Variants in SLC36A1 observed in about 807,000 individuals in gnomAD.
The protein encoded by SLC36A1 is proton-coupled amino acid transporter 1.
Under a neutral mutation model 47.5 loss-of-function variants are expected in SLC36A1, and 30 were observed. The ratio of observed to expected loss-of-function variants is 0.63; its 90% CI spans 0.47 to 0.86. The LOEUF (loss-of-function observed/expected upper bound fraction) is 0.86, where lower values mean the gene tolerates loss of function less well. SLC36A1 is among the 40% of genes least tolerant of loss of function. The probability of loss-of-function intolerance (pLI) is 0.00; values close to 1 mark genes in which losing one functional copy is unlikely to be tolerated. For synonymous variants in SLC36A1, 255 were observed against 249.7 expected (o/e 1.02, Z -0.20); for missense variants, 517 against 606.0 (o/e 0.85, Z 1.54).
chr5:151,385,101 A>G, the SLC36A1 span, among the ~76,000 whole-genome samples: 1 of 151,668 alleles, frequency 6.6e-6, no homozygotes, highest in Non-Finnish European at 1.5e-5. Context: ...CTTCATAAAT[A>G]CCTTGGGAAT....
At chr5:151,479,220 G>A in intron 9 of SLC36A1, 100 bp from the exon 10 acceptor site, 1 of 1,308,812 alleles carries the variant, frequency 7.6e-7, no homozygotes. Context: ...TTGTATCCTT[G>A]ATAAGTGTCA....
At chr5:151,440,902 G>A (rs1752585069) in intron 1 of SLC36A1, among the ~76,000 whole-genome samples, 1 of 152,210 alleles carries the variant, frequency 6.6e-6, no homozygotes, top group Admixed American at 6.5e-5. Flanking sequence ...CAACATGTTA[G>A]CACATGGCTA....
chr5:151,549,591 C>T, the SLC36A1 span: 1 of 1,111,312 alleles, frequency 9.0e-7, no homozygotes, highest in Non-Finnish European at 1.3e-6. Flanking sequence ...ACTAGAATGC[C>T]AATTTAAAAT....
the SLC36A1 span, among the ~76,000 whole-genome samples, chr5:151,371,748 T>C: frequency 1.3e-5 from 2 of 152,186 alleles, no homozygotes; most frequent in Non-Finnish European, 2.9e-5. Context: ...TTTAAAAAAA[T>C]ATTTTCCTTT....
chr5:151,528,366 G>T, the SLC36A1 span, among the ~76,000 whole-genome samples: 2 of 152,190 alleles, frequency 1.3e-5, no homozygotes, highest in Non-Finnish European at 2.9e-5. Flanking sequence ...GCTAGGCCCT[G>T]TCCTAGAATG....
At chr5:151,375,257 C>T in the SLC36A1 span, among the ~76,000 whole-genome samples, 3 of 152,058 alleles carry the variant, frequency 2.0e-5, no homozygotes, top group Non-Finnish European at 4.4e-5. Flanking sequence ...ATAGGGGGTC[C>T]AGTTTTATTC....
the SLC36A1 span, among the ~76,000 whole-genome samples, chr5:151,430,990 C>T: frequency 1.7e-3 from 255 of 152,318 alleles, 1 homozygote; most frequent in Non-Finnish European, 2.7e-3. Flanking sequence ...TCCTTAGCTG[C>T]AGGGACCCAA....
At chr5:151,541,043 G>A in the SLC36A1 span, among the ~76,000 whole-genome samples, 2 of 152,172 alleles carry the variant, frequency 1.3e-5, no homozygotes, top group Admixed American at 1.3e-4. Context: ...TGGCCCAGAA[G>A]GCATGGGAGG....
chr5:151,466,933 C>T (rs767914041), intron 5 of SLC36A1, among the ~76,000 whole-genome samples: 1 of 152,154 alleles, frequency 6.6e-6, no homozygotes. Flanking sequence ...GCCAGGGCAT[C>T]TCGTCCTTGT....
the SLC36A1 span, among the ~76,000 whole-genome samples, chr5:151,383,526 G>A: frequency 9.3e-6 from 1 of 107,702 alleles, no homozygotes; most frequent in Non-Finnish European, 1.8e-5. Flanking sequence ...ATTGCCAGCT[G>A]CACTTTTTTT....
the SLC36A1 span, among the ~76,000 whole-genome samples, chr5:151,378,949 G>T: frequency 1.3e-5 from 2 of 152,262 alleles, no homozygotes; most frequent in Non-Finnish European, 2.9e-5. Flanking sequence ...TCTCTCGGAA[G>T]AAGAGAGGAG....
At chr5:151,516,635 T>C in the SLC36A1 span, among the ~76,000 whole-genome samples, 4 of 152,236 alleles carry the variant, frequency 2.6e-5, no homozygotes, top group African/African-American at 9.6e-5. Flanking sequence ...AGCTATTATG[T>C]TTATGTTTAT....
At chr5:151,392,631 G>C in the SLC36A1 span, among the ~76,000 whole-genome samples, 12 of 152,172 alleles carry the variant, frequency 7.9e-5, no homozygotes, top group African/African-American at 2.4e-4. Context: ...CAAAGAACAT[G>C]TTTATTTCTG....
chr5:151,440,155 G>C (rs1052932129), intron 1 of SLC36A1, among the ~76,000 whole-genome samples: 1 of 152,082 alleles, frequency 6.6e-6, no homozygotes, highest in Non-Finnish European at 1.5e-5. Context: ...TAACAGTGTA[G>C]CATGCTTTAC....
the SLC36A1 span, among the ~76,000 whole-genome samples, chr5:151,537,277 T>TAATAAGAAGACGATGGTGGTGGA: frequency 1.5e-5 from 2 of 132,778 alleles, no homozygotes; most frequent in East Asian, 4.2e-4. Context: ...ATGGTGGTGG[T>TAATAAGAAGACGATGGTGGTGGA]GGAGGAGGAG....
chr5:151,519,710 T>C, the SLC36A1 span, among the ~76,000 whole-genome samples: 2 of 152,326 alleles, frequency 1.3e-5, no homozygotes, highest in Non-Finnish European at 2.9e-5. Flanking sequence ...TGTGTACTTA[T>C]GATACATGAA....
chr5:151,486,226 G>A (rs185589068), intron 10 of SLC36A1, among the ~76,000 whole-genome samples: 2 of 152,250 alleles, frequency 1.3e-5, no homozygotes, highest in African/African-American at 4.8e-5. Flanking sequence ...GAGAAGGGAG[G>A]TACCAGGCTC....
the SLC36A1 span, chr5:151,550,772 C>T: frequency 6.2e-7 from 1 of 1,614,114 alleles, no homozygotes; most frequent in Non-Finnish European, 8.5e-7. Context: ...CGCAGGAGCT[C>T]TACCCCTGGC....
the SLC36A1 span, among the ~76,000 whole-genome samples, chr5:151,508,978 C>T: frequency 8.6e-4 from 131 of 152,198 alleles, no homozygotes; most frequent in African/African-American, 3.1e-3. Context: ...TCTTTAAAGG[C>T]TCCCAAGTTT....
Sources: gnomAD v4.1 joint callset for allele counts (sites outside exome capture counted in the v4.1 genomes callset) on GRCh38, gnomAD v4.1.1 for gene constraint, MANE v1.5 for transcripts, NCBI Gene and HGNC (gene_info 2026-07-23, HGNC 2026-07-21) for gene names.